Variants in TMEM67 observed in about 807,000 individuals in gnomAD.
TMEM67 encodes meckelin.
In TMEM67, 124 loss-of-function variants were observed where a neutral mutation model predicts 136.6. The observed-to-expected ratio is 0.91, with a 90% CI of 0.78 to 1.05. The LOEUF (loss-of-function observed/expected upper bound fraction) is 1.05. TMEM67 is among the 50% of genes least tolerant of loss of function. The pLI is 0.00. For synonymous variants in TMEM67, 364 were observed against 390.5 expected, an observed-to-expected ratio of 0.93 and a Z score of 0.80; for missense variants, 1,107 against 1,178.4, an observed-to-expected ratio of 0.94 and a Z score of 0.89.
In TMEM67 at chr8:93,809,971, CT is replaced by C. The variant is rs375597348; in HGVS notation, c.2764+100del. The C allele has an allele frequency of 0.23, 131,733 of 570,946 alleles. 66 individuals carry two copies. Among genetic ancestry groups the C allele is most frequent in the South Asian group, 0.29 (13,839 of 47,898 alleles). 35.4% of individuals were successfully genotyped at this position (570,946 alleles called of 1,614,324 possible). A position where few individuals can be genotyped will look rare whatever the true frequency, so the allele number is the denominator to read the frequency against. ...TGCTTGTAGATATTTTTCTTTTTTT[CT>C]TTTTTTTTTTTTTTTAGACGGCGTC... On this transcript the variant is annotated intron_variant, in intron 26 of 27. Transcript: ENST00000453321.
intron 6 of TMEM67, among the ~76,000 whole-genome samples, chr8:93,766,627 C>T (rs1200463780): frequency 6.6e-6 from 1 of 151,780 alleles, no homozygotes; most frequent in African/African-American, 2.4e-5. Flanking sequence ...CTTAGTATGC[C>T]AGAGTTTGGG....
In TMEM67 at chr8:93,758,554, CT is replaced by C. The variant is rs1554614771; in HGVS notation, c.385del (p.Cys129ValfsTer7). 6.2e-7 allele frequency: 1 copy of C among 1,613,722 alleles called. No individual in the cohort carries two copies. The highest frequency in any genetic ancestry group is 8.5e-7 in the Non-Finnish European group (1 of 1,179,682). On this transcript the variant is annotated frameshift_variant, in exon 3 of 28. Coordinates refer to ENST00000453321, the MANE Select transcript of TMEM67 (RefSeq NM_153704.6). LOFTEE classifies it high-confidence loss of function. ...SDLTAEGKCH[C>X]PIGHILVERD... ...ACTTAACTGCCGAAGGAAAATGTCA[CT>C]GTCCCATTGGCCATATTTTAGGTAA...
chr8:93,823,427 G>A (rs1243622330), downstream of TMEM67, among the ~76,000 whole-genome samples: 1 of 151,944 alleles, frequency 6.6e-6, no homozygotes, highest in Non-Finnish European at 1.5e-5. Context: ...GTGTGGGTGG[G>A]TAGGGGTGTG....
chr8:93,804,481 A>ATTTTTTT (rs59657661), intron 22 of TMEM67, among the ~76,000 whole-genome samples: 1 of 87,152 alleles, frequency 1.1e-5, no homozygotes, highest in African/African-American at 4.5e-5. Context: ...ACACTCAGCT[A>ATTTTTTT]TTTTTTTTTT....
rs970639716 is a variant in TMEM67, at chr8:93,779,086, C to T, written c.715-1507C>T. Among the ~76,000 whole-genome samples, 10 of 152,148 alleles carry T rather than the reference C, an allele frequency of 6.6e-5. No individual in the cohort carries two copies. In the East Asian group the frequency reaches 1.5e-3, roughly 23 times the overall value. Reference sequence around the variant, plus strand: ...TCTTTTTTCTCTAACCTTGTCGTCTCGCTTTATTTCATTAATTTGATCTTC... The same window carrying T: ...TCTTTTTTCTCTAACCTTGTCGTCTTGCTTTATTTCATTAATTTGATCTTC... On this transcript the variant is annotated intron_variant, in intron 7 of 27. Coordinates refer to ENST00000453321, the MANE Select transcript of TMEM67 (RefSeq NM_153704.6).
At chr8:93,756,243 A>G (rs111922942) in intron 2 of TMEM67, 48 of 166,772 alleles carry the variant, frequency 2.9e-4, no homozygotes, top group African/African-American at 1.1e-3. Context: ...GTTGTCTTAG[A>G]CCTACCATGT....
At chr8:93,771,920 T>C (rs1359765955) in intron 6 of TMEM67, among the ~76,000 whole-genome samples, 1 of 152,266 alleles carries the variant, frequency 6.6e-6, no homozygotes, top group Non-Finnish European at 1.5e-5. Context: ...AATTTAGTTA[T>C]ATCACTTACG....
At chr8:93,772,998 G>C (rs1813391513) in intron 7 of TMEM67, among the ~76,000 whole-genome samples, 1 of 152,152 alleles carries the variant, frequency 6.6e-6, no homozygotes, top group Non-Finnish European at 1.5e-5. Context: ...TGGAGTTACA[G>C]CCTAAGTAAA....
the TMEM67 span, among the ~76,000 whole-genome samples, chr8:93,829,883 TC>T: frequency 6.6e-6 from 1 of 152,094 alleles, no homozygotes; most frequent in Non-Finnish European, 1.5e-5. Context: ...TCTCTGACCT[TC>T]CCCCACCCTT....
At chr8:93,768,636 T>C (rs1425194717) in intron 6 of TMEM67, among the ~76,000 whole-genome samples, 2 of 151,942 alleles carry the variant, frequency 1.3e-5, no homozygotes, top group Non-Finnish European at 2.9e-5. Context: ...ATAAAATAGC[T>C]CATACTGATC....
chr8:93,755,321 G>A (rs947695516), intron 1 of TMEM67, among the ~76,000 whole-genome samples, 184 bp downstream of exon 1: 2 of 152,124 alleles, frequency 1.3e-5, no homozygotes, highest in African/African-American at 2.4e-5. Flanking sequence ...CGCCTGGCCC[G>A]AATACATGTA....
At chr8:93,768,552 G>A (rs1813184777) in intron 6 of TMEM67, among the ~76,000 whole-genome samples, 1 of 152,132 alleles carries the variant, frequency 6.6e-6, no homozygotes, top group African/African-American at 2.4e-5. Flanking sequence ...GGAGGTTGCA[G>A]TGAGCCAAGA....
chr8:93,796,521 G>A (rs1001137541), intron 18 of TMEM67, among the ~76,000 whole-genome samples: 3 of 152,224 alleles, frequency 2.0e-5, no homozygotes, highest in African/African-American at 7.2e-5. Flanking sequence ...TTTTTCCACT[G>A]ACTGGGAGCT....
At chr8:93,823,765 AAATT>A (rs1809073404), downstream of TMEM67, among the ~76,000 whole-genome samples, 2 of 152,306 alleles carry the variant, frequency 1.3e-5, no homozygotes, top group South Asian at 4.1e-4. Context: ...AATTAGAAGA[AAATT>A]AAGTGCCTTA....
the TMEM67 span, among the ~76,000 whole-genome samples, chr8:93,825,024 C>T: frequency 1.3e-5 from 2 of 152,188 alleles, no homozygotes; most frequent in African/African-American, 4.8e-5. Flanking sequence ...GCCTATGAGC[C>T]TCTTCTTTAT....
chr8:93,795,811 C>A (rs1814584837), intron 17 of TMEM67, 90 bp from the exon 18 acceptor site: 35 of 1,026,596 alleles, frequency 3.4e-5, no homozygotes, highest in Non-Finnish European at 4.6e-5. Context: ...CCTCCTTTCC[C>A]AAAAAAAAAC....
At chr8:93,761,750 A>G (rs73694920) in intron 3 of TMEM67, among the ~76,000 whole-genome samples, 2,472 of 152,310 alleles carry the variant, frequency 0.016, 71 homozygotes, top group African/African-American at 0.054. Context: ...TTCATCTACA[A>G]ATGTTTATTG....
At chr8:93,785,575 A>G (rs1814057783) in intron 12 of TMEM67, among the ~76,000 whole-genome samples, 197 bp downstream of exon 12, 1 of 152,336 alleles carries the variant, frequency 6.6e-6, no homozygotes, top group Admixed American at 6.5e-5. Flanking sequence ...ATTGCCAGAC[A>G]TATTGTTAAG....
intron 12 of TMEM67, 99 bp downstream of exon 12, chr8:93,785,477 C>A: frequency 8.1e-7 from 1 of 1,230,684 alleles, no homozygotes; most frequent in Non-Finnish European, 1.2e-6. Flanking sequence ...TAAGAAAGGT[C>A]ATGAATTCTC....
Sources: gnomAD v4.1 joint callset for allele counts (sites outside exome capture counted in the v4.1 genomes callset) on GRCh38, gnomAD v4.1.1 for gene constraint, MANE v1.5 for transcripts, NCBI Gene and HGNC (gene_info 2026-07-23, HGNC 2026-07-21) for gene names.